Variants in PCGF5 observed in about 807,000 individuals in gnomAD.
PCGF5 encodes the protein polycomb group RING finger protein 5.
In PCGF5, 9 loss-of-function variants were observed where a neutral mutation model predicts 44.3. The ratio of observed to expected loss-of-function variants is 0.20; its 90% CI spans 0.12 to 0.35. PCGF5 has a LOEUF of 0.35. Ranked by LOEUF, PCGF5 falls within the 10% of genes least tolerant of loss-of-function variation. The pLI is 1.00. For missense variants in PCGF5, 146 were observed against 305.3 expected (o/e 0.48, Z 3.89); for synonymous variants, 95 against 102.5 (o/e 0.93, Z 0.44).
chr10:91,232,937 G>T (rs145564813), intron 2 of PCGF5, among the ~76,000 whole-genome samples: 1 of 152,146 alleles, frequency 6.6e-6, no homozygotes, highest in Admixed American at 6.5e-5. Flanking sequence ...TGAATTTAAG[G>T]TGAGAGACCA....
chr10:91,274,784 A>T (rs1846265599), intron 9 of PCGF5, among the ~76,000 whole-genome samples: 1 of 152,198 alleles, frequency 6.6e-6, no homozygotes, highest in Non-Finnish European at 1.5e-5. Context: ...GAGGCAACAC[A>T]CTGCAAAGGC....
At chr10:91,159,555 C>T (rs76318030), upstream of PCGF5, among the ~76,000 whole-genome samples, 2,909 of 152,278 alleles carry the variant, frequency 0.019, 91 homozygotes, top group African/African-American at 0.067. Flanking sequence ...CCTCAGCCAA[C>T]CCCTGACTGT....
chr10:91,179,351 TA>T (rs1554842365), intron 1 of PCGF5, among the ~76,000 whole-genome samples: 1 of 152,204 alleles, frequency 6.6e-6, no homozygotes, highest in Non-Finnish European at 1.5e-5. Flanking sequence ...ATTAATCTTT[TA>T]AAAATTTATT....
intron 9 of PCGF5, among the ~76,000 whole-genome samples, chr10:91,275,635 A>C (rs1201682136): frequency 2.5e-5 from 2 of 79,874 alleles, no homozygotes; most frequent in African/African-American, 6.4e-5. Context: ...TTGTATTTTT[A>C]GTAGAGGCGG....
chr10:91,187,298 G>T (rs1301673334), intron 1 of PCGF5, among the ~76,000 whole-genome samples: 1 of 152,140 alleles, frequency 6.6e-6, no homozygotes, highest in Non-Finnish European at 1.5e-5. Flanking sequence ...GGGAACCACT[G>T]TTACAAGCTC....
intron 3 of PCGF5, among the ~76,000 whole-genome samples, chr10:91,242,113 C>T (rs1209040697): frequency 6.6e-6 from 1 of 150,726 alleles, no homozygotes; most frequent in East Asian, 1.9e-4. Flanking sequence ...ATTTTGCCCC[C>T]GGGATACATT....
chr10:91,222,769 G>T lies in PCGF5; in HGVS notation c.-103G>T. 1.6e-6 allele frequency: 1 copy of T among 629,254 alleles called. No homozygotes were observed. The highest frequency in any genetic ancestry group is 2.8e-6 in the Non-Finnish European group (1 of 351,140). The allele number at this position is 629,254 out of a possible 1,614,324, so 39.0% of individuals were successfully genotyped here. On this transcript the variant is annotated 5_prime_UTR_variant, in exon 2 of 10. Transcript: ENST00000336126. Reference sequence around the variant, plus strand: ...CTGGATGCTAGTTCTCATGCCTCAGGACATCCTACTGGGAACGACACACCA... The same window carrying T: ...CTGGATGCTAGTTCTCATGCCTCAGTACATCCTACTGGGAACGACACACCA...
At chr10:91,158,158 A>T (rs1843342537), upstream of PCGF5, among the ~76,000 whole-genome samples, 1 of 152,240 alleles carries the variant, frequency 6.6e-6, no homozygotes, top group African/African-American at 2.4e-5. Context: ...TAACAATGAA[A>T]GTCAAGTAGA....
At chr10:91,162,741 G>A (rs1843408643), upstream of PCGF5, among the ~76,000 whole-genome samples, 2 of 151,338 alleles carry the variant, frequency 1.3e-5, no homozygotes, top group African/African-American at 2.4e-5. Flanking sequence ...CCTGGCGGGC[G>A]GCGGCGAGAG....
rs146346593 is a variant in PCGF5 at position 91,228,119 on chromosome 10, T to G, written c.112+5136T>G. ...TTAGGGAGAGGGAGAGACTCTGGAC[T>G]GGGGACTAGAAATTGATGGCCCTAG... is the stretch of plus-strand genomic sequence containing the variant. On this transcript the variant is annotated intron_variant, in intron 2 of 9. Transcript: ENST00000336126. Among the ~76,000 whole-genome samples the G allele has an allele frequency of 9.8e-5, 15 of 152,286 alleles. No individual in the cohort carries two copies. In the East Asian group the frequency reaches 1.9e-3, roughly 20 times the overall value.
chr10:91,245,707 A>G (rs1845443217), intron 3 of PCGF5, among the ~76,000 whole-genome samples: 1 of 152,162 alleles, frequency 6.6e-6, no homozygotes, highest in Non-Finnish European at 1.5e-5. Flanking sequence ...CAGCGAGTAC[A>G]TGGTGCAGAT....
At chr10:91,162,719 G>C (rs1465988838), upstream of PCGF5, among the ~76,000 whole-genome samples, 1 of 151,352 alleles carries the variant, frequency 6.6e-6, no homozygotes, top group Admixed American at 6.6e-5. Flanking sequence ...GCGCGGCGGC[G>C]GCTCGAGGAG....
intron 1 of PCGF5, among the ~76,000 whole-genome samples, chr10:91,178,386 TTTTCTTTTC>T (rs1843752011): frequency 6.9e-6 from 1 of 145,774 alleles, no homozygotes; most frequent in Non-Finnish European, 1.5e-5. Flanking sequence ...CTTTCTTTTC[TTTTCTTTTC>T]TTTTTTTTTT....
intron 3 of PCGF5, among the ~76,000 whole-genome samples, chr10:91,243,209 G>A (rs1003759978): frequency 6.6e-6 from 1 of 152,154 alleles, no homozygotes; most frequent in African/African-American, 2.4e-5. Context: ...GTTGTGGGGA[G>A]GGGAAGATCT....
chr10:91,177,842 C>T (rs1442570224), intron 1 of PCGF5, among the ~76,000 whole-genome samples: 2 of 152,214 alleles, frequency 1.3e-5, no homozygotes, highest in East Asian at 1.9e-4. Flanking sequence ...TTCCCTGACC[C>T]CTTGTGCTTC....
upstream of PCGF5, among the ~76,000 whole-genome samples, chr10:91,218,683 A>T (rs754661722): frequency 5.3e-5 from 8 of 152,078 alleles, no homozygotes; most frequent in Non-Finnish European, 8.8e-5. Flanking sequence ...CCCAGGCTAG[A>T]ATGCAGTGGT....
intron 1 of PCGF5, among the ~76,000 whole-genome samples, chr10:91,205,212 T>C (rs993198986): frequency 6.6e-6 from 1 of 152,140 alleles, no homozygotes; most frequent in Non-Finnish European, 1.5e-5. Flanking sequence ...TCATCCAGCC[T>C]TGAGCGCAAT....
upstream of PCGF5, chr10:91,220,025 T>A (rs1321456818): frequency 6.6e-6 from 1 of 152,158 alleles, no homozygotes; most frequent in Non-Finnish European, 1.5e-5. Flanking sequence ...GAATGAAGGT[T>A]TTTGCAGTGA....
Position 91,252,915 on chromosome 10 carries a change from C to A in PCGF5, c.474+1475C>A, listed in dbSNP as rs141861865. ...TTGTTCTCCTTTTTGACATCTTTGA[C>A]ACTTTGCTATTCTAGTTGACCTTTT... On this transcript the variant is annotated intron_variant, in intron 6 of 9. Coordinates refer to ENST00000336126, the MANE Select transcript of PCGF5 (RefSeq NM_032373.5). 7.5e-3 allele frequency among the ~76,000 whole-genome samples: 1,136 copies of A among 152,126 alleles called. 13 individuals carry two copies. Among genetic ancestry groups the A allele is most frequent in the African/African-American group, 0.026 (1,073 of 41,512 alleles).
Sources: gnomAD v4.1 joint callset for allele counts (sites outside exome capture counted in the v4.1 genomes callset) on GRCh38, gnomAD v4.1.1 for gene constraint, MANE v1.5 for transcripts, NCBI Gene and HGNC (gene_info 2026-07-23, HGNC 2026-07-21) for gene names.